Variants in USP10 observed in about 807,000 individuals in gnomAD.
USP10 encodes the protein ubiquitin specific peptidase 10.
USP10 carries 22 observed loss-of-function variants against 84.5 expected under a neutral mutation model. That is an observed-to-expected ratio of 0.26 (90% CI 0.19 to 0.37). The LOEUF is 0.37. USP10 is among the 10% of genes least tolerant of loss of function. The probability of loss-of-function intolerance (pLI) is 1.00; values close to 1 mark genes in which losing one functional copy is unlikely to be tolerated. For missense variants in USP10, 1,019 were observed against 998.9 expected (o/e 1.02, Z -0.27); for synonymous variants, 454 against 387.6 (o/e 1.17, Z -2.01).
intron 13 of USP10, among the ~76,000 whole-genome samples, chr16:84,778,677 T>C (rs1915270244): frequency 1.3e-5 from 2 of 152,232 alleles, no homozygotes; most frequent in Admixed American, 1.3e-4. Flanking sequence ...CTATCTGACT[T>C]ACCCTTACCT....
rs527258319 is a variant in USP10 at position 84,727,731 on chromosome 16, C to T, written c.22-5704C>T. 3.9e-5 allele frequency among the ~76,000 whole-genome samples: 6 copies of T among 152,256 alleles called. No homozygotes were observed. The East Asian group carries it at 7.7e-4, about 20-fold the overall frequency. ...ACAGACATACAATATTTTTCCAAAC[C>T]CTTTGAGATTTCAGGGAAGATTACA... On this transcript the variant is annotated intron_variant, in intron 1 of 13. Coordinates refer to ENST00000219473, the MANE Select transcript of USP10 (RefSeq NM_005153.3).
At chr16:84,700,795 A>G (rs1193599407) in intron 1 of USP10, among the ~76,000 whole-genome samples, 1 of 152,154 alleles carries the variant, frequency 6.6e-6, no homozygotes, top group Non-Finnish European at 1.5e-5. Context: ...CCTGAACAGT[A>G]GCTAAAGCTT....
chr16:84,737,433 G>T (rs753833999), intron 2 of USP10, among the ~76,000 whole-genome samples: 2 of 152,190 alleles, frequency 1.3e-5, no homozygotes, highest in Non-Finnish European at 2.9e-5. Context: ...TGTGTATTTA[G>T]ATACCCAGTT....
At chr16:84,775,720 A>C (rs1176732331) in intron 13 of USP10, among the ~76,000 whole-genome samples, 1 of 152,186 alleles carries the variant, frequency 6.6e-6, no homozygotes, top group Non-Finnish European at 1.5e-5. Flanking sequence ...GTCAGTCATG[A>C]GAAATCTCCC....
In USP10 at chr16:84,772,623, C is replaced by G; in HGVS notation, c.2081C>G (p.Thr694Ser). ...CTGAAACGATTCGTTTATGAGAAGA[C>G]TGGTGGGTGCCAGAAGCTTATCAAA... ...LHLKRFVYEK[T>S]GGCQKLIKNI... The change falls in exon 12 of 14, where the codon ACT (threonine) becomes AGT (serine). Residue 694 changes from threonine to serine, a missense_variant. Transcript: ENST00000219473. 6.2e-7 allele frequency: 1 copy of G among 1,613,994 alleles called. No individual in the cohort carries two copies. Among genetic ancestry groups the G allele is most frequent in the Non-Finnish European group, 8.5e-7 (1 of 1,179,906 alleles).
intron 1 of USP10, among the ~76,000 whole-genome samples, chr16:84,729,668 G>T (rs1350521712): frequency 6.6e-6 from 1 of 152,154 alleles, no homozygotes; most frequent in Non-Finnish European, 1.5e-5. Flanking sequence ...AAATCGAAAG[G>T]ACCGGTTTTA....
At chr16:84,771,600 G>A (rs1405746642) in intron 11 of USP10, among the ~76,000 whole-genome samples, 1 of 152,230 alleles carries the variant, frequency 6.6e-6, no homozygotes, top group Non-Finnish European at 1.5e-5. Flanking sequence ...CTAGCGTGGT[G>A]GCTCACGCCT....
At chr16:84,777,523 GCCCTTGGATTGGCTGTGT>G (rs1303359431) in intron 13 of USP10, among the ~76,000 whole-genome samples, 1 of 152,174 alleles carries the variant, frequency 6.6e-6, no homozygotes, top group Non-Finnish European at 1.5e-5. Flanking sequence ...ATGAAGCTAT[GCCCTTGGATTGGCTGTGT>G]CCCTGGCTCT....
intron 1 of USP10, among the ~76,000 whole-genome samples, chr16:84,729,248 T>A (rs1309229185): frequency 6.6e-6 from 1 of 152,280 alleles, no homozygotes; most frequent in Non-Finnish European, 1.5e-5. Flanking sequence ...TCATAATCCA[T>A]GTTTGAATGG....
intron 4 of USP10, among the ~76,000 whole-genome samples, chr16:84,748,231 C>T (rs1911482424): frequency 6.7e-6 from 1 of 150,318 alleles, no homozygotes. Flanking sequence ...TTATTTTTAA[C>T]CTATAATGAG....
intron 2 of USP10, among the ~76,000 whole-genome samples, chr16:84,736,109 C>T (rs1019122779): frequency 6.6e-6 from 1 of 152,064 alleles, no homozygotes; most frequent in African/African-American, 2.4e-5. Context: ...GAGGGGAGGG[C>T]GTGTCACTTC....
At chr16:84,724,458 A>G (rs138650995) in intron 1 of USP10, among the ~76,000 whole-genome samples, 48 of 152,266 alleles carry the variant, frequency 3.2e-4, no homozygotes, top group Non-Finnish European at 6.0e-4. Context: ...GGAAGTAGAC[A>G]CTCAATTGCA....
chr16:84,742,398 C>T (rs1281938189), intron 3 of USP10, among the ~76,000 whole-genome samples: 4 of 152,194 alleles, frequency 2.6e-5, no homozygotes, highest in Non-Finnish European at 5.9e-5. Flanking sequence ...TTTTCATTCT[C>T]AGTTGTTTGT....
intron 12 of USP10, among the ~76,000 whole-genome samples, chr16:84,774,511 C>T (rs1914780895): frequency 1.6e-5 from 1 of 63,570 alleles, no homozygotes; most frequent in Non-Finnish European, 3.2e-5. Context: ...TGCTCTGTCA[C>T]CCAGGCTGGA....
chr16:84,704,505 T>C (rs1905239946), intron 1 of USP10, among the ~76,000 whole-genome samples: 1 of 152,054 alleles, frequency 6.6e-6, no homozygotes, highest in Non-Finnish European at 1.5e-5. Context: ...TTGTATGTGC[T>C]TGGACTGCAG....
chr16:84,770,733 C>G (rs1337523184), intron 11 of USP10, among the ~76,000 whole-genome samples: 2 of 146,564 alleles, frequency 1.4e-5, no homozygotes, highest in Non-Finnish European at 3.0e-5. Flanking sequence ...GATAGCGCCA[C>G]TGCAGTCCGG....
intron 1 of USP10, among the ~76,000 whole-genome samples, chr16:84,719,399 C>G (rs1907491660): frequency 1.3e-5 from 2 of 152,150 alleles, no homozygotes; most frequent in Non-Finnish European, 2.9e-5. Context: ...ATTCTAAACT[C>G]CAACTGTAAG....
intron 1 of USP10, among the ~76,000 whole-genome samples, chr16:84,708,255 T>A (rs945419883): frequency 6.6e-6 from 1 of 151,994 alleles, no homozygotes; most frequent in Non-Finnish European, 1.5e-5. Flanking sequence ...TTTGAGACCA[T>A]CCTGGCCAAC....
At chr16:84,703,007 A>AAAAAAAAAAAAAAAAAAAC (rs1418017921) in intron 1 of USP10, among the ~76,000 whole-genome samples, 1 of 150,518 alleles carries the variant, frequency 6.6e-6, no homozygotes, top group Non-Finnish European at 1.5e-5. Flanking sequence ...AAAAAAAAAA[A>AAAAAAAAAAAAAAAAAAAC]AAAAAAGAGC....
Sources: allele counts gnomAD v4.1 joint callset (sites outside exome capture counted in the v4.1 genomes callset), GRCh38; gene constraint gnomAD v4.1.1; transcripts MANE v1.5; gene names NCBI Gene and HGNC (gene_info 2026-07-23, HGNC 2026-07-21).